Variants in BLTP3B observed in about 807,000 individuals in gnomAD.
BLTP3B encodes bridge-like lipid transfer protein family member 3B.
the BLTP3B span, chr12:100,095,926 T>G: frequency 1.7e-6 from 2 of 1,186,754 alleles, no homozygotes; most frequent in Admixed American, 6.5e-5. Context: ...AAAACGTTTT[T>G]GAATAGAAAT....
chr12:100,084,614 T>C, the BLTP3B span: 2 of 1,614,188 alleles, frequency 1.2e-6, no homozygotes, highest in Non-Finnish European at 1.7e-6. Flanking sequence ...CCATTTTTTG[T>C]TTTGGTTGCA....
At chr12:100,110,053 T>A in the BLTP3B span, among the ~76,000 whole-genome samples, 2 of 152,116 alleles carry the variant, frequency 1.3e-5, no homozygotes, top group East Asian at 3.9e-4. Context: ...CCCTAAAAAA[T>A]AAAAATTACT....
the BLTP3B span, chr12:100,069,935 A>C: frequency 8.8e-7 from 1 of 1,140,072 alleles, no homozygotes; most frequent in Non-Finnish European, 1.1e-6. Flanking sequence ...TATTTTATTT[A>C]AGAAAAACAA....
the BLTP3B span, among the ~76,000 whole-genome samples, chr12:100,042,308 C>A: frequency 6.6e-6 from 1 of 151,740 alleles, no homozygotes; most frequent in Admixed American, 6.6e-5. Flanking sequence ...TGCAAGGGAC[C>A]CAAAAGAGTC....
the BLTP3B span, among the ~76,000 whole-genome samples, chr12:100,136,573 C>T: frequency 6.6e-6 from 1 of 151,896 alleles, no homozygotes; most frequent in African/African-American, 2.4e-5. Context: ...ATTTACTGAG[C>T]TTTACCATAA....
the BLTP3B span, among the ~76,000 whole-genome samples, chr12:100,111,031 G>A: frequency 2.3e-4 from 35 of 152,104 alleles, no homozygotes; most frequent in South Asian, 5.0e-3. Flanking sequence ...TCATTTCAAG[G>A]ATATCTACAA....
chr12:100,093,822 C>T, the BLTP3B span, among the ~76,000 whole-genome samples: 7 of 152,260 alleles, frequency 4.6e-5, no homozygotes, highest in Admixed American at 4.6e-4. Context: ...CTCCTAAAAA[C>T]GCTACTCTAG....
the BLTP3B span, chr12:100,098,330 AAAAG>A: frequency 6.4e-6 from 10 of 1,553,228 alleles, no homozygotes; most frequent in African/African-American, 1.4e-5. Context: ...AAACATTTAA[AAAAG>A]AAAGAAAAAA....
At chr12:100,083,193 TTTA>T in the BLTP3B span, 1 of 1,254,596 alleles carries the variant, frequency 8.0e-7, no homozygotes, top group Non-Finnish European at 1.2e-6. Context: ...CAGTCACTCT[TTTA>T]TTATTAAGGC....
At chr12:100,092,057 C>T in the BLTP3B span, among the ~76,000 whole-genome samples, 2 of 152,134 alleles carry the variant, frequency 1.3e-5, no homozygotes, top group South Asian at 4.1e-4. Context: ...GATCCGCCTG[C>T]CTCAGCCTCC....
At chr12:100,070,067 G>C in the BLTP3B span, 3 of 1,426,480 alleles carry the variant, frequency 2.1e-6, no homozygotes, top group African/African-American at 1.5e-5. Flanking sequence ...AGATTTACAA[G>C]ACAATGCTTG....
At chr12:100,065,426 G>A in the BLTP3B span, among the ~76,000 whole-genome samples, 5 of 152,096 alleles carry the variant, frequency 3.3e-5, no homozygotes, top group East Asian at 1.9e-4. Flanking sequence ...GCCTATAAAC[G>A]GACGTGCAAG....
the BLTP3B span, among the ~76,000 whole-genome samples, chr12:100,122,185 G>A: frequency 6.6e-6 from 1 of 152,088 alleles, no homozygotes; most frequent in Non-Finnish European, 1.5e-5. Flanking sequence ...TTAGAACCAT[G>A]GCCTTTTGAA....
chr12:100,088,593 T>C, the BLTP3B span, among the ~76,000 whole-genome samples: 2 of 152,190 alleles, frequency 1.3e-5, no homozygotes, highest in Non-Finnish European at 2.9e-5. Context: ...AATTTCAACA[T>C]TATCAAAAAG....
the BLTP3B span, among the ~76,000 whole-genome samples, chr12:100,097,929 A>C: frequency 6.6e-6 from 1 of 152,182 alleles, no homozygotes; most frequent in African/African-American, 2.4e-5. Flanking sequence ...AGAGTAATAC[A>C]GAGAGCTGGG....
chr12:100,128,573 G>GTATT, the BLTP3B span: 1 of 1,228,150 alleles, frequency 8.1e-7, no homozygotes, highest in Non-Finnish European at 1.0e-6. Context: ...GGGAATAGAA[G>GTATT]TATTACCTGA....
the BLTP3B span, among the ~76,000 whole-genome samples, chr12:100,140,720 AAAAAAAAAAATAT>A: frequency 7.0e-3 from 858 of 123,426 alleles, 12 homozygotes; most frequent in African/African-American, 0.026. Flanking sequence ...AAAAAAAAAA[AAAAAAAAAAATAT>A]ATATATATAT....
the BLTP3B span, chr12:100,097,319 T>C: frequency 1.3e-6 from 2 of 1,568,570 alleles, no homozygotes; most frequent in Admixed American, 3.7e-5. Context: ...AAAAGTCAAA[T>C]CCAACAGTTA....
chr12:100,140,354 A>G, the BLTP3B span, among the ~76,000 whole-genome samples: 1 of 152,030 alleles, frequency 6.6e-6, no homozygotes, highest in African/African-American at 2.4e-5. Context: ...CTGAAAAAAA[A>G]AAAAATCCTC....
Sources: gnomAD v4.1 joint callset for allele counts (sites outside exome capture counted in the v4.1 genomes callset) on GRCh38, gnomAD v4.1.1 for gene constraint, MANE v1.5 for transcripts, NCBI Gene and HGNC (gene_info 2026-07-23, HGNC 2026-07-21) for gene names.